Variants in PRDM16 observed in about 807,000 individuals in gnomAD.
PRDM16 encodes histone-lysine N-methyltransferase PRDM16.
In PRDM16, 23 loss-of-function variants were observed where a neutral mutation model predicts 110.6. That is an observed-to-expected ratio of 0.21 (90% CI 0.15 to 0.29). The LOEUF (loss-of-function observed/expected upper bound fraction) is 0.29. Ranked by LOEUF, PRDM16 falls within the 10% of genes least tolerant of loss-of-function variation. PRDM16 has a pLI of 1.00. For synonymous variants in PRDM16, 799 were observed against 781.8 expected (o/e 1.02, Z -0.37); for missense variants, 1,615 against 1,794.3 (o/e 0.90, Z 1.81).
In PRDM16 at chr1:3,393,737, GTCTGCACC is replaced by G. The variant is rs199909505; in HGVS notation, c.574-2751_574-2744del. Among the ~76,000 whole-genome samples, 962 of 152,310 alleles carry G rather than the reference GTCTGCACC, an allele frequency of 6.3e-3. 14 individuals carry two copies. The highest frequency in any genetic ancestry group is 0.022 in the African/African-American group (905 of 41,560). ...GGCTGTAAAAACGCAGCCAGCTTTT[GTCTGCACC>G]TCCGCGCCGCTGGCAAGGGCGGGGC... is the stretch of plus-strand genomic sequence containing the variant. On this transcript the variant is annotated intron_variant, in intron 4 of 16. Transcript: ENST00000270722.
chr1:3,408,658 G>GGGA (rs1643604645), intron 8 of PRDM16, among the ~76,000 whole-genome samples: 1 of 149,306 alleles, frequency 6.7e-6, no homozygotes, highest in African/African-American at 2.5e-5. Flanking sequence ...GTGTTGGCAT[G>GGGA]TGTGAGAGTG....
At chr1:3,199,125 G>A (rs1439801763) in intron 2 of PRDM16, among the ~76,000 whole-genome samples, 1 of 152,146 alleles carries the variant, frequency 6.6e-6, no homozygotes, top group Non-Finnish European at 1.5e-5. Context: ...AGTGCTGTGC[G>A]GGGTGGCGGC....
intron 9 of PRDM16, among the ~76,000 whole-genome samples, chr1:3,413,432 T>C (rs1643728002): frequency 6.6e-6 from 1 of 152,126 alleles, no homozygotes; most frequent in East Asian, 1.9e-4. Flanking sequence ...GATGCCTCTC[T>C]TGGGGAAAGG....
intron 8 of PRDM16, among the ~76,000 whole-genome samples, chr1:3,408,959 G>A (rs950221719): frequency 1.3e-5 from 2 of 150,210 alleles, no homozygotes; most frequent in African/African-American, 2.5e-5. Flanking sequence ...GGGCGTGTGA[G>A]CCAGTGCATG....
chr1:3,267,075 G>A (rs530720487), intron 3 of PRDM16, among the ~76,000 whole-genome samples: 21 of 152,196 alleles, frequency 1.4e-4, no homozygotes, highest in Non-Finnish European at 2.4e-4. Context: ...ACAGTCAGCA[G>A]TATCTAGTAC....
chr1:3,409,849 T>TGTGG (rs1553175992), intron 8 of PRDM16, among the ~76,000 whole-genome samples: 3,200 of 127,156 alleles, frequency 0.025, 66 homozygotes, highest in Middle Eastern at 0.065. Context: ...GTGGTGTGGG[T>TGTGG]GTGTGTGTGG....
chr1:3,272,486 C>A (rs1288849615), intron 3 of PRDM16, among the ~76,000 whole-genome samples: 4 of 152,156 alleles, frequency 2.6e-5, no homozygotes, highest in African/African-American at 4.8e-5. Flanking sequence ...TGCTGTGAGG[C>A]TCCTTCCGGG....
chr1:3,235,121 C>T (rs992718540), intron 2 of PRDM16, among the ~76,000 whole-genome samples: 2 of 152,230 alleles, frequency 1.3e-5, no homozygotes, highest in Admixed American at 6.5e-5. Context: ...AGCCCCCTAC[C>T]GAGCCCTGCC....
At chr1:3,384,307 C>A (rs544721626) in intron 3 of PRDM16, among the ~76,000 whole-genome samples, 2 of 152,224 alleles carry the variant, frequency 1.3e-5, no homozygotes, top group African/African-American at 4.8e-5. Context: ...GCCCAGGAAG[C>A]TTGCCCAAGA....
At chr1:3,288,152 C>T (rs1179410594) in intron 3 of PRDM16, among the ~76,000 whole-genome samples, 4 of 152,244 alleles carry the variant, frequency 2.6e-5, no homozygotes, top group Non-Finnish European at 5.9e-5. Flanking sequence ...AAGGAGCCAG[C>T]TGGTCTTAGC....
intron 3 of PRDM16, among the ~76,000 whole-genome samples, chr1:3,314,265 G>A (rs905155180): frequency 6.6e-6 from 1 of 152,102 alleles, no homozygotes; most frequent in African/African-American, 2.4e-5. Flanking sequence ...TAGAGAGCTG[G>A]GACAGTCTGC....
intron 1 of PRDM16, among the ~76,000 whole-genome samples, chr1:3,112,275 G>C (rs946069929): frequency 6.6e-6 from 1 of 152,238 alleles, no homozygotes; most frequent in Non-Finnish European, 1.5e-5. Context: ...AGAGGAAACA[G>C]AAGGGAGCAC....
chr1:3,289,931 A>G lies in PRDM16; in HGVS notation c.438+45794A>G, dbSNP rs368832346. The stretch of plus-strand genomic sequence containing the variant: ...CTCCAGGGTGCCAGGATCTCACTCA[A>G]TCCAAGTCACCAGACCTCAATCCCT... On this transcript the variant is annotated intron_variant, in intron 3 of 16. Transcript: ENST00000270722. 3.5e-4 allele frequency among the ~76,000 whole-genome samples: 52 copies of G among 147,742 alleles called. 1 individual carries two copies. In the East Asian group the frequency reaches 7.6e-3, roughly 22 times the overall value.
At chr1:3,130,143 C>G (rs992570559) in intron 1 of PRDM16, among the ~76,000 whole-genome samples, 4 of 152,152 alleles carry the variant, frequency 2.6e-5, no homozygotes, top group Non-Finnish European at 5.9e-5. Flanking sequence ...TTGGGGACAG[C>G]TAGTGAGGAA....
chr1:3,191,558 T>C (rs545070779), intron 2 of PRDM16, among the ~76,000 whole-genome samples: 2 of 152,352 alleles, frequency 1.3e-5, no homozygotes, highest in South Asian at 2.1e-4. Flanking sequence ...ACATGTAATA[T>C]GGAATTTTAT....
chr1:3,408,936 G>A (rs912393085), intron 8 of PRDM16, among the ~76,000 whole-genome samples: 17 of 144,208 alleles, frequency 1.2e-4, no homozygotes, highest in African/African-American at 3.9e-4. Context: ...GTGTTGGCAC[G>A]CATGAGAGTG....
intron 3 of PRDM16, among the ~76,000 whole-genome samples, chr1:3,266,740 A>G (rs987396337): frequency 2.0e-5 from 3 of 152,146 alleles, no homozygotes; most frequent in Non-Finnish European, 4.4e-5. Context: ...CAACGGCGCA[A>G]TCTCAGCTCA....
chr1:3,312,610 G>A (rs1188908861), intron 3 of PRDM16, among the ~76,000 whole-genome samples: 1 of 152,238 alleles, frequency 6.6e-6, no homozygotes, highest in Non-Finnish European at 1.5e-5. Context: ...GAAGTCCGGT[G>A]AGGGGCTTTC....
At chr1:3,429,857 C>T (rs1265775170) in intron 14 of PRDM16, among the ~76,000 whole-genome samples, 8 of 152,240 alleles carry the variant, frequency 5.3e-5, no homozygotes, top group Non-Finnish European at 8.8e-5. Flanking sequence ...CAGGCGAGTC[C>T]GAGACACGGA....
Sources: gnomAD v4.1 joint callset for allele counts (sites outside exome capture counted in the v4.1 genomes callset) on GRCh38, gnomAD v4.1.1 for gene constraint, MANE v1.5 for transcripts, NCBI Gene and HGNC (gene_info 2026-07-23, HGNC 2026-07-21) for gene names.